The following MEAF6 variants were observed in gnomAD, a reference collection of about 807,000 sequenced individuals.
MEAF6 encodes the protein chromatin modification-related protein MEAF6.
MEAF6 carries 15 observed loss-of-function variants against 28.9 expected under a neutral mutation model. The observed-to-expected ratio is 0.52, with a 90% CI of 0.35 to 0.80. The LOEUF is 0.80. MEAF6 is among the 30% of genes least tolerant of loss of function. The probability of loss-of-function intolerance (pLI) is 0.01; values close to 1 mark genes in which losing one functional copy is unlikely to be tolerated. For synonymous variants in MEAF6, 97 were observed against 88.7 expected (o/e 1.09, Z -0.53); for missense variants, 178 against 237.5 (o/e 0.75, Z 1.65).
chr1:37,504,062 G>A (rs1342719372), intron 4 of MEAF6, among the ~76,000 whole-genome samples: 3 of 152,228 alleles, frequency 2.0e-5, no homozygotes, highest in Non-Finnish European at 2.9e-5. Context: ...CTGGTGGGAG[G>A]TGACTGGATC....
intron 5 of MEAF6, 142 bp from the exon 6 acceptor site, chr1:37,496,060 T>C: frequency 1.4e-6 from 1 of 692,578 alleles, no homozygotes; most frequent in East Asian, 2.8e-5. Context: ...TATGTCATAT[T>C]TAGTTGTTTA....
rs573018842 is a variant in MEAF6 at position 37,491,415 on chromosome 1, G to A, written c.*2684C>T. ...AGCTACTGGGGAGGCTGAGGCAGGA[G>A]AATTGCTTGATACCTATAATCCCAG... On this transcript the variant is annotated 3_prime_UTR_variant, in exon 7 of 7. Coordinates refer to ENST00000296214, the MANE Select transcript of MEAF6 (RefSeq NM_001270875.3). 2.6e-5 allele frequency among the ~76,000 whole-genome samples: 4 copies of A among 152,254 alleles called. No homozygotes were observed. Among genetic ancestry groups the A allele is most frequent in the Non-Finnish European group, 5.9e-5 (4 of 68,046 alleles).
chr1:37,502,350 A>G (rs530620289), intron 4 of MEAF6, among the ~76,000 whole-genome samples: 2 of 152,218 alleles, frequency 1.3e-5, no homozygotes, highest in East Asian at 1.9e-4. Flanking sequence ...CACTGGGATC[A>G]CAGGCATGAG....
At chr1:37,504,774 A>G (rs1642424619) in intron 4 of MEAF6, among the ~76,000 whole-genome samples, 1 of 128,348 alleles carries the variant, frequency 7.8e-6, no homozygotes, top group African/African-American at 2.9e-5. Context: ...CTCCATCTCA[A>G]AAAAAAAAAA....
intron 5 of MEAF6, chr1:37,496,433 C>A: frequency 2.2e-6 from 1 of 452,018 alleles, no homozygotes; most frequent in South Asian, 6.3e-5. Flanking sequence ...GAAGCAAAGC[C>A]AGAAAATCAA....
In MEAF6 at chr1:37,494,324, G is replaced by C. The variant is rs200094353; in HGVS notation, c.568-217C>G. On this transcript the variant is annotated intron_variant, in intron 6 of 6. Coordinates refer to ENST00000296214, the MANE Select transcript of MEAF6 (RefSeq NM_001270875.3). ...AGGTCAGGAGTTCGAGACCAGCCTG[G>C]CCAGCATAGTGAAACCCCGTCTCTA... is the stretch of plus-strand genomic sequence containing the variant. Among the ~76,000 whole-genome samples the C allele has an allele frequency of 5.7e-4, 87 of 151,818 alleles. 2 individuals carry two copies. The East Asian group carries it at 0.016, about 28-fold the overall frequency.
rs1486335552 is a variant in MEAF6, at chr1:37,494,091, T to C, written c.*8A>G. 8.7e-6 allele frequency: 14 copies of C among 1,612,910 alleles called. No homozygotes were observed. Among genetic ancestry groups the C allele is most frequent in the Non-Finnish European group, 1.1e-5 (13 of 1,179,720 alleles). ...TACAGCCTGGAAGCTTCTGCACTAATGTGTCTTCTAATAGTCCTAAAGAAA... is the reference window on the plus strand; with the variant it reads ...TACAGCCTGGAAGCTTCTGCACTAACGTGTCTTCTAATAGTCCTAAAGAAA... On this transcript the variant is annotated 3_prime_UTR_variant, in exon 7 of 7. Coordinates refer to ENST00000296214, the MANE Select transcript of MEAF6 (RefSeq NM_001270875.3).
intron 5 of MEAF6, chr1:37,496,574 A>G: frequency 6.9e-7 from 1 of 1,439,152 alleles, no homozygotes; most frequent in Non-Finnish European, 9.2e-7. Flanking sequence ...GTTTTTAAAA[A>G]AAACTTCCCA....
chr1:37,497,806 G>C (rs1409346044), intron 5 of MEAF6, among the ~76,000 whole-genome samples: 3 of 151,970 alleles, frequency 2.0e-5, no homozygotes, highest in African/African-American at 7.3e-5. Flanking sequence ...TGGCCAAGCT[G>C]GTCTCGAACT....
chr1:37,509,433 T>C (rs761788559), intron 3 of MEAF6, 22 bp downstream of exon 3: 10 of 1,589,474 alleles, frequency 6.3e-6, no homozygotes, highest in Non-Finnish European at 7.7e-6. Context: ...CAAAGAAAGA[T>C]TCCCCCACCA....
At chr1:37,495,707 A>AAAAAAAC (rs1642106695) in intron 6 of MEAF6, among the ~76,000 whole-genome samples, 178 bp downstream of exon 6, 1 of 98,508 alleles carries the variant, frequency 1.0e-5, no homozygotes, top group Non-Finnish European at 2.3e-5. Context: ...CAAAAAACAA[A>AAAAAAAC]AAAAAAAAAA....
At chr1:37,507,201 T>C (rs1186378092) in intron 4 of MEAF6, among the ~76,000 whole-genome samples, 1 of 151,984 alleles carries the variant, frequency 6.6e-6, no homozygotes, top group Admixed American at 6.6e-5. Context: ...ACACCTGTAA[T>C]CCCAGCTACT....
chr1:37,494,151 C>A, intron 6 of MEAF6, 44 bp from the exon 7 acceptor site: 1 of 1,545,006 alleles, frequency 6.5e-7, no homozygotes, highest in Non-Finnish European at 8.9e-7. Context: ...CTCGGCAGAA[C>A]AGTTGTTTGA....
intron 4 of MEAF6, among the ~76,000 whole-genome samples, chr1:37,508,891 AT>A (rs745356641): frequency 1.3e-5 from 2 of 152,126 alleles, no homozygotes; most frequent in Non-Finnish European, 2.9e-5. Context: ...GATGCCAGGA[AT>A]TATGGACTAG....
At chr1:37,501,706 G>C in intron 5 of MEAF6, 98 bp downstream of exon 5, 1 of 1,218,958 alleles carries the variant, frequency 8.2e-7, no homozygotes, top group Non-Finnish European at 1.1e-6. Context: ...ATCAGCAACA[G>C]AAAGAGTCTG....
At chr1:37,504,560 C>T (rs1291712924) in intron 4 of MEAF6, among the ~76,000 whole-genome samples, 2 of 151,840 alleles carry the variant, frequency 1.3e-5, no homozygotes, top group Non-Finnish European at 2.9e-5. Context: ...CATCTGAGGT[C>T]AGGAGTCGGA....
rs1244634540 is a variant in MEAF6, at chr1:37,490,474, T to C, written c.*3625A>G. 2.0e-5 allele frequency among the ~76,000 whole-genome samples: 3 copies of C among 152,058 alleles called. No individual in the cohort carries two copies. Among genetic ancestry groups the C allele is most frequent in the African/African-American group, 7.2e-5 (3 of 41,398 alleles). On this transcript the variant is annotated 3_prime_UTR_variant, in exon 7 of 7. Transcript: ENST00000296214. Reference sequence around the variant, plus strand: ...AGCAAATGTGTACAAAGAAGCACAATCCTGCTCTCTCCCCACACTTCACAT... The same window carrying C: ...AGCAAATGTGTACAAAGAAGCACAACCCTGCTCTCTCCCCACACTTCACAT...
rs1642024540 is a variant in MEAF6, at chr1:37,493,869, C to CTTG, written c.*229_*230insCAA. ...CTTGCTGGGATTACAACATTGTCTT[C>CTTG]ATCTTCCTGCAGTTCTGTTACTAAA... On this transcript the variant is annotated 3_prime_UTR_variant, in exon 7 of 7. Coordinates refer to ENST00000296214, the MANE Select transcript of MEAF6 (RefSeq NM_001270875.3). 1 of 1,556,554 alleles carries CTTG rather than the reference C, an allele frequency of 6.4e-7. No individual in the cohort carries two copies. The highest frequency in any genetic ancestry group is 8.7e-7 in the Non-Finnish European group (1 of 1,151,910).
At chr1:37,508,346 A>G (rs1337325443) in intron 4 of MEAF6, among the ~76,000 whole-genome samples, 11 of 130,640 alleles carry the variant, frequency 8.4e-5, no homozygotes, top group East Asian at 2.2e-4. Flanking sequence ...TGACACGATC[A>G]TGGCTCATTG....
Sources: allele counts gnomAD v4.1 joint callset (sites outside exome capture counted in the v4.1 genomes callset), GRCh38; gene constraint gnomAD v4.1.1; transcripts MANE v1.5; gene names NCBI Gene and HGNC (gene_info 2026-07-23, HGNC 2026-07-21).